The following GCC2 variants were observed in gnomAD, a reference collection of about 807,000 sequenced individuals.
GCC2 encodes the protein GRIP and coiled-coil domain containing 2.
A neutral mutation model predicts 210.6 loss-of-function variants in GCC2; 120 were observed. That is an observed-to-expected ratio of 0.57 (90% CI 0.49 to 0.66). The LOEUF is 0.66. Among genes scored for constraint, GCC2 ranks in the 30% least tolerant of loss-of-function variants. The pLI, the probability that GCC2 is intolerant of heterozygous loss-of-function variation, is 0.00. For missense variants in GCC2, 1,868 were observed against 1,871.9 expected (o/e 1.00, Z 0.04); for synonymous variants, 703 against 652.7 (o/e 1.08, Z -1.17).
At chr2:108,449,968 G>T (rs2378113) in intron 2 of GCC2, 3 of 394,676 alleles carry the variant, frequency 7.6e-6, no homozygotes, top group African/African-American at 6.2e-5. Flanking sequence ...TTATATAGTG[G>T]TGTAGTGGAA....
intron 9 of GCC2, among the ~76,000 whole-genome samples, chr2:108,478,795 A>G (rs950812884): frequency 6.6e-6 from 1 of 152,224 alleles, no homozygotes; most frequent in African/African-American, 2.4e-5. Flanking sequence ...AAGAGGATAA[A>G]TATCTCTGAT....
intron 4 of GCC2, among the ~76,000 whole-genome samples, chr2:108,456,294 C>A (rs1360266988): frequency 6.6e-6 from 1 of 152,130 alleles, no homozygotes; most frequent in Non-Finnish European, 1.5e-5. Flanking sequence ...CTGAGAAATC[C>A]CCAACTGTTT....
rs1681126066 is a variant in GCC2, at chr2:108,470,305, G to T, written c.976G>T (p.Val326Leu). The T allele has an allele frequency of 1.2e-6, 2 of 1,612,614 alleles. No individual in the cohort carries two copies. The highest frequency in any genetic ancestry group is 4.5e-5 in the East Asian group (2 of 44,810). The change falls in exon 6 of 23, where the codon GTA (valine) becomes TTA (leucine). Residue 326 changes from valine to leucine, a missense_variant. Val to Leu is a conservative substitution (Grantham distance 32). Coordinates refer to ENST00000309863, the MANE Select transcript of GCC2 (RefSeq NM_181453.4). ...CSILLQENTFVEQVVNEKVKH... is the reference protein window; with the variant it reads ...CSILLQENTFLEQVVNEKVKH... ...TATTCTCTTGCAAGAAAATACATTT[G>T]TAGAACAAGTAGTAAATGAAAAAGT... is the stretch of plus-strand genomic sequence containing the variant.
At chr2:108,452,789 G>A (rs1169632810) in intron 4 of GCC2, among the ~76,000 whole-genome samples, 1 of 148,060 alleles carries the variant, frequency 6.8e-6, no homozygotes, top group African/African-American at 2.5e-5. Context: ...TGCCTCCCGA[G>A]TTCAAGCAGT....
intron 4 of GCC2, chr2:108,462,774 G>T (rs1036439773): frequency 2.0e-5 from 3 of 151,714 alleles, no homozygotes; most frequent in African/African-American, 7.3e-5. Flanking sequence ...TGTTGGCCAG[G>T]CTGGTCTTGA....
In GCC2 at chr2:108,471,007, A is replaced by C; in HGVS notation, c.1678A>C (p.Thr560Pro). The part of the protein sequence containing the change: ...QQELVPELEN[T>P]IKNLQEKNGV... ...AGAATTGGTACCAGAACTTGAAAAT[A>C]CCATAAAGAACCTTCAAGAAAAGAA... The change falls in exon 6 of 23, where the codon ACC becomes CCC. Residue 560 changes from threonine to proline, a missense_variant. Physicochemically the swap from Thr to Pro is conservative, Grantham distance 38. Around this residue, in one of 3 missense-constraint regions of GCC2, gnomAD observed 1,847 missense variants for 1,765.2 expected, o/e 1.05. Coordinates refer to ENST00000309863, the MANE Select transcript of GCC2 (RefSeq NM_181453.4). 2 of 1,612,402 alleles carry C rather than the reference A, an allele frequency of 1.2e-6. No homozygotes were observed. Among genetic ancestry groups the C allele is most frequent in the Non-Finnish European group, 1.7e-6 (2 of 1,178,946 alleles).
At chr2:108,478,213 C>G (rs1367758579) in intron 9 of GCC2, among the ~76,000 whole-genome samples, 1 of 151,986 alleles carries the variant, frequency 6.6e-6, no homozygotes, top group Non-Finnish European at 1.5e-5. Flanking sequence ...TTTGTAAGAT[C>G]TTTGTATATA....
At chr2:108,480,869 A>T (rs1456502878) in intron 9 of GCC2, among the ~76,000 whole-genome samples, 1 of 125,790 alleles carries the variant, frequency 7.9e-6, no homozygotes, top group Non-Finnish European at 1.8e-5. Flanking sequence ...GTTTGCCTAC[A>T]TAACAAACCT....
rs975989583 is a variant in GCC2, at chr2:108,507,713, A to C, written c.*83A>C. 7 of 988,948 alleles carry C rather than the reference A, an allele frequency of 7.1e-6. No individual in the cohort carries two copies. The African/African-American group carries it at 9.8e-5, about 14-fold the overall frequency. 61.3% of individuals were successfully genotyped at this position (988,948 alleles called of 1,614,324 possible). A position where few individuals can be genotyped will look rare whatever the true frequency, so the allele number is the denominator to read the frequency against. Reference sequence around the variant, plus strand: ...CGTATATTACCACAATTCTTTTGTCAAAAAGTGTGTATATATGTTTGCATC... The same window carrying C: ...CGTATATTACCACAATTCTTTTGTCCAAAAGTGTGTATATATGTTTGCATC... On this transcript the variant is annotated 3_prime_UTR_variant, in exon 23 of 23. Transcript: ENST00000309863.
intron 21 of GCC2, 25 bp downstream of exon 21, chr2:108,497,134 G>A (rs771681355): frequency 9.9e-6 from 16 of 1,611,734 alleles, no homozygotes; most frequent in African/African-American, 4.0e-5. Context: ...CCTGGCCGCC[G>A]TGAAAACCGC....
intron 4 of GCC2, among the ~76,000 whole-genome samples, chr2:108,463,340 T>A (rs558133308): frequency 1.3e-5 from 2 of 152,350 alleles, no homozygotes; most frequent in African/African-American, 2.4e-5. Context: ...CCAGTTTTTT[T>A]AATTTACTTT....
At chr2:108,468,264 C>A (rs1324749084) in intron 4 of GCC2, among the ~76,000 whole-genome samples, 1 of 152,000 alleles carries the variant, frequency 6.6e-6, no homozygotes, top group African/African-American at 2.4e-5. Flanking sequence ...CAGAGTTTCA[C>A]CATGTTGCCC....
chr2:108,470,726 G>T lies in GCC2; in HGVS notation c.1397G>T (p.Cys466Phe), dbSNP rs762231999. The T allele has an allele frequency of 2.5e-6, 4 of 1,612,938 alleles. No individual in the cohort carries two copies. In the South Asian group the frequency reaches 4.4e-5, roughly 18 times the overall value. Residue 466 changes from cysteine (C) to phenylalanine (F), a missense_variant, in exon 6 of 23, where the codon TGT becomes TTT. Physicochemically the swap from Cys to Phe is radical, Grantham distance 205 (BLOSUM62 -2). Around this residue, in one of 3 missense-constraint regions of GCC2, gnomAD observed 1,847 missense variants for 1,765.2 expected, o/e 1.05. Coordinates refer to ENST00000309863, the MANE Select transcript of GCC2 (RefSeq NM_181453.4). ...MFEIQGLKEQ[C>F]ENLQQEKQEA... is the part of the protein sequence containing the mutation. The stretch of plus-strand genomic sequence containing the variant: ...GAAATACAGGGTCTTAAGGAACAGT[G>T]TGAAAACCTACAGCAAGAAAAGCAA...
chr2:108,450,856 T>A (rs561944824), intron 2 of GCC2, among the ~76,000 whole-genome samples, 172 bp from the exon 3 acceptor site: 1 of 152,246 alleles, frequency 6.6e-6, no homozygotes, highest in East Asian at 1.9e-4. Flanking sequence ...CACTCCGGCC[T>A]GGGCAATAGA....
rs953207162 is a variant in GCC2 at position 108,461,937 on chromosome 2, A to G, written c.217-7043A>G. ...AAGCTCCGCCTCCCGGGTTCACGCCATTCTCCTGCCTCAGCCTCCCGAGTA... is the reference window on the plus strand; with the variant it reads ...AAGCTCCGCCTCCCGGGTTCACGCCGTTCTCCTGCCTCAGCCTCCCGAGTA... On this transcript the variant is annotated intron_variant, in intron 4 of 22. Coordinates refer to ENST00000309863, the MANE Select transcript of GCC2 (RefSeq NM_181453.4). 2.3e-5 allele frequency among the ~76,000 whole-genome samples: 3 copies of G among 130,078 alleles called. 1 individual carries two copies. The highest frequency in any genetic ancestry group is 4.7e-5 in the Non-Finnish European group (3 of 63,786). The allele number at this position is 130,078 out of a possible 152,430, so 85.3% of individuals were successfully genotyped here.
At chr2:108,455,013 A>C (rs1453529676) in intron 4 of GCC2, among the ~76,000 whole-genome samples, 1 of 151,784 alleles carries the variant, frequency 6.6e-6, no homozygotes, top group African/African-American at 2.4e-5. Flanking sequence ...AAAGTTTTTT[A>C]TCCATTAACT....
At chr2:108,475,981 C>T in intron 9 of GCC2, 131 bp downstream of exon 9, 1 of 510,658 alleles carries the variant, frequency 2.0e-6, no homozygotes, top group Non-Finnish European at 3.5e-6. Flanking sequence ...AATCTTTATT[C>T]TGTTTTGGGG....
At position 108,486,635 on chromosome 2, in the gene GCC2, G is replaced by T; in HGVS notation, c.3917G>T (p.Cys1306Phe). The change falls in exon 16 of 23, where the codon TGC becomes TTC. Residue 1306 changes from cysteine to phenylalanine, a missense_variant. Around this residue, in one of 3 missense-constraint regions of GCC2, gnomAD observed 1,847 missense variants for 1,765.2 expected, o/e 1.05. Transcript: ENST00000309863. Reference protein sequence around the residue: ...QQRVTALQEECRAAKAEQATV... With the variant: ...QQRVTALQEEFRAAKAEQATV... ...AGAGTGACAGCACTACAGGAAGAGT[G>T]CCGTGCTGCCAAGGTGCGTTCTTCA... 1 of 1,612,268 alleles carries T rather than the reference G, an allele frequency of 6.2e-7. No individual in the cohort carries two copies.
chr2:108,457,394 C>T (rs757123298), intron 4 of GCC2, among the ~76,000 whole-genome samples: 5 of 151,886 alleles, frequency 3.3e-5, no homozygotes, highest in East Asian at 3.8e-4. Flanking sequence ...TCTATAGCCT[C>T]GTAATATGTT....
Sources: gnomAD v4.1 joint callset for allele counts (sites outside exome capture counted in the v4.1 genomes callset) on GRCh38, gnomAD v4.1.1 for gene constraint, gnomAD v4.1.1 regional missense constraint, MANE v1.5 for transcripts, NCBI Gene and HGNC (gene_info 2026-07-23, HGNC 2026-07-21) for gene names.